Variants in ACBD5 observed in about 807,000 individuals in gnomAD.
ACBD5 encodes the protein acyl-CoA-binding domain-containing protein 5.
A neutral mutation model predicts 71.8 loss-of-function variants in ACBD5; 40 were observed. The observed-to-expected ratio is 0.56, with a 90% CI of 0.43 to 0.72. ACBD5 has a LOEUF of 0.72. ACBD5 is among the 30% of genes least tolerant of loss of function. The probability of loss-of-function intolerance (pLI) is 0.00; values close to 1 mark genes in which losing one functional copy is unlikely to be tolerated. For missense variants in ACBD5, 559 were observed against 644.5 expected (o/e 0.87, Z 1.44); for synonymous variants, 229 against 218.6 (o/e 1.05, Z -0.42).
chr10:27,219,963 GAATT>G lies in ACBD5; in HGVS notation c.491-110_491-107del, dbSNP rs962923949. On this transcript the variant is annotated intron_variant, in intron 5 of 12. Coordinates refer to ENST00000396271, the MANE Select transcript of ACBD5 (RefSeq NM_145698.5). ...TACAAATAACTAATAAAATAATTTT[GAATT>G]AAAATGTTATATATATAATAGTATT... is the stretch of plus-strand genomic sequence containing the variant. The G allele has an allele frequency of 3.0e-6, 3 of 986,462 alleles. No homozygotes were observed. In the African/African-American group the frequency reaches 4.9e-5, roughly 16 times the overall value. 61.1% of individuals were successfully genotyped at this position (986,462 alleles called of 1,614,324 possible).
chr10:27,187,676 C>G (rs1392954017), intron 13 of ACBD5, among the ~76,000 whole-genome samples: 1 of 151,036 alleles, frequency 6.6e-6, no homozygotes, highest in East Asian at 1.9e-4. Context: ...CGCTTGAACC[C>G]AGGAGGTGGA....
intron 12 of ACBD5, among the ~76,000 whole-genome samples, chr10:27,201,384 C>T (rs866486371): frequency 5.6e-4 from 86 of 152,260 alleles, no homozygotes; most frequent in African/African-American, 2.0e-3. Flanking sequence ...TCTTCTGATC[C>T]ACTGCAGAGT....
intron 12 of ACBD5, among the ~76,000 whole-genome samples, chr10:27,202,641 A>G (rs2060040133): frequency 6.6e-6 from 1 of 152,188 alleles, no homozygotes; most frequent in South Asian, 2.1e-4. Context: ...AGCATAAAAT[A>G]AATTATTAAC....
chr10:27,236,042 A>T (rs995131425), intron 2 of ACBD5, among the ~76,000 whole-genome samples: 4 of 151,018 alleles, frequency 2.6e-5, no homozygotes, highest in African/African-American at 9.7e-5. Context: ...GAGCCTGGGG[A>T]GGTCAAGGAT....
intron 13 of ACBD5, among the ~76,000 whole-genome samples, chr10:27,186,088 C>CAA (rs144666387): frequency 1.3e-5 from 2 of 150,702 alleles, no homozygotes; most frequent in African/African-American, 4.9e-5. Flanking sequence ...GACCTCGTCT[C>CAA]AAAAAAAAAG....
Position 27,196,905 on chromosome 10 carries a change from A to G in ACBD5, c.*525T>C. 2.2e-6 allele frequency: 1 copy of G among 454,148 alleles called. No homozygotes were observed. Among genetic ancestry groups the G allele is most frequent in the Non-Finnish European group, 4.4e-6 (1 of 226,790 alleles). The allele number at this position is 454,148 out of a possible 1,614,324, so 28.1% of individuals were successfully genotyped here. ...AAGATTATGGGCAGCCCACAAAGTG[A>G]ATATGACCATTCTTCCTGTGGTTTT... is the stretch of plus-strand genomic sequence containing the variant. On this transcript the variant is annotated 3_prime_UTR_variant, in exon 13 of 13. Transcript: ENST00000396271.
chr10:27,199,580 CT>C (rs749900691), intron 12 of ACBD5, among the ~76,000 whole-genome samples: 1 of 152,188 alleles, frequency 6.6e-6, no homozygotes, highest in Non-Finnish European at 1.5e-5. Flanking sequence ...GCTGCTCTAG[CT>C]GCACTGCTGC....
At position 27,240,407 on chromosome 10, in the gene ACBD5, G is replaced by A; in HGVS notation, c.93C>T (p.His31=). Reference sequence around the variant, plus strand: ...TCGTGTCCGCCATCTCCAGCTGCCAGTGTTGGCCCCGGTCCCAAGGTCTGT... The same window carrying A: ...TCGTGTCCGCCATCTCCAGCTGCCAATGTTGGCCCCGGTCCCAAGGTCTGT... ...PADRPWDRGQ[H]WQLEMADTRS... is the part of the protein sequence containing the mutation. The change falls in exon 2 of 13, where the codon CAC becomes CAT. Residue 31 remains histidine, a synonymous_variant. Transcript: ENST00000396271. This position sits in a 1 kb window ranked among gnomAD's most constrained non-coding sequence, Gnocchi z 4.1. 1 of 1,614,126 alleles carries A rather than the reference G, an allele frequency of 6.2e-7. No individual in the cohort carries two copies. The highest frequency in any genetic ancestry group is 8.5e-7 in the Non-Finnish European group (1 of 1,180,022).
At chr10:27,188,037 T>A (rs2058877199) in intron 13 of ACBD5, among the ~76,000 whole-genome samples, 1 of 152,124 alleles carries the variant, frequency 6.6e-6, no homozygotes, top group South Asian at 2.1e-4. Flanking sequence ...GCACATCGGG[T>A]TTAGTGTTTT....
Position 27,184,554 on chromosome 10 carries a change from A to ATTTTTTTT in ACBD5, c.1494-1847_1494-1840dup, listed in dbSNP as rs752147433. On this transcript the variant is annotated intron_variant, in intron 13 of 13. Transcript: ENST00000676511. ...AAAAACACTATCACATATAAGAAGG[A>ATTTTTTTT]TTTTTTTTTTTTTTTTTTTTTTTTG... Among the ~76,000 whole-genome samples, 195 of 84,850 alleles carry ATTTTTTTT rather than the reference A, an allele frequency of 2.3e-3. 18 individuals are homozygous for ATTTTTTTT. The highest frequency in any genetic ancestry group is 6.0e-3 in the African/African-American group (127 of 21,342). The allele number at this position is 84,850 out of a possible 152,430, so 55.7% of individuals were successfully genotyped here.
rs1367561927 is a variant in ACBD5 at position 27,217,993 on chromosome 10, A to G, written c.816T>C (p.Val272=). The change falls in exon 7 of 13, where the codon GTT becomes GTC. Residue 272 remains valine (V), a synonymous_variant. Transcript: ENST00000396271. ...ENLGQTGKSA[V]CIHQDINDDH... ...TGGGGACAATACCTTGGTGAATGCAAACAGCAGATTTTCCAGTTTGCCCCA... is the reference window on the plus strand; with the variant it reads ...TGGGGACAATACCTTGGTGAATGCAGACAGCAGATTTTCCAGTTTGCCCCA... The G allele has an allele frequency of 3.1e-6, 5 of 1,614,048 alleles. No individual in the cohort carries two copies. The highest frequency in any genetic ancestry group is 4.2e-6 in the Non-Finnish European group (5 of 1,180,028).
chr10:27,221,843 AG>A (rs1305546149), intron 5 of ACBD5, among the ~76,000 whole-genome samples: 2 of 144,484 alleles, frequency 1.4e-5, no homozygotes, highest in African/African-American at 5.1e-5. Context: ...GCTTGAACCC[AG>A]GAGTTGGAGG....
At chr10:27,194,348 C>T (rs1444347103), downstream of ACBD5, among the ~76,000 whole-genome samples, 8 of 151,372 alleles carry the variant, frequency 5.3e-5, no homozygotes, top group Admixed American at 1.3e-4. Context: ...CGGTGACTCA[C>T]GCCTGTAATC....
chr10:27,213,810 C>G (rs2061356228), intron 8 of ACBD5, among the ~76,000 whole-genome samples: 1 of 151,894 alleles, frequency 6.6e-6, no homozygotes, highest in South Asian at 2.1e-4. Flanking sequence ...AGCAATTCCA[C>G]TGCTGGCTGT....
chr10:27,218,655 G>A (rs1453829785), intron 6 of ACBD5, among the ~76,000 whole-genome samples: 1 of 151,640 alleles, frequency 6.6e-6, no homozygotes, highest in Non-Finnish European at 1.5e-5. Context: ...GCATGAGCTT[G>A]GCTCACTGCA....
Position 27,188,569 on chromosome 10 carries a change from CG to C in ACBD5, c.1494-5855del, listed in dbSNP as rs373609841. ...GGGACTTGAAACATTACTGAATAAT[CG>C]GGGAAATGTTCTCTGAGCATATTCC... On this transcript the variant is annotated intron_variant, in intron 13 of 13. Coordinates refer to the ACBD5 transcript ENST00000676511. 3.1e-3 allele frequency among the ~76,000 whole-genome samples: 470 copies of C among 152,260 alleles called. 2 individuals are homozygous for C. The highest frequency in any genetic ancestry group is 4.4e-3 in the Non-Finnish European group (301 of 68,016).
chr10:27,230,401 C>T (rs1431692187), intron 4 of ACBD5, among the ~76,000 whole-genome samples: 3 of 152,118 alleles, frequency 2.0e-5, no homozygotes, highest in Non-Finnish European at 2.9e-5. Flanking sequence ...AAAACTATTC[C>T]TTTTTACAGA....
At chr10:27,214,392 A>G (rs1046315025) in intron 8 of ACBD5, among the ~76,000 whole-genome samples, 6 of 151,924 alleles carry the variant, frequency 3.9e-5, no homozygotes, top group Admixed American at 6.6e-5. Flanking sequence ...TTACAAAAAT[A>G]AAGTGGAGAT....
intron 8 of ACBD5, among the ~76,000 whole-genome samples, chr10:27,214,694 C>T (rs1453087526): frequency 6.6e-6 from 1 of 152,090 alleles, no homozygotes; most frequent in Admixed American, 6.6e-5. Context: ...AAATTATTTC[C>T]ACTAAAAATT....
Sources: allele counts gnomAD v4.1 joint callset (sites outside exome capture counted in the v4.1 genomes callset), GRCh38; gene constraint gnomAD v4.1.1; non-coding constraint Gnocchi (gnomAD v3.1); transcripts MANE v1.5; gene names NCBI Gene and HGNC (gene_info 2026-07-23, HGNC 2026-07-21).